Variants in EPB41L2 observed in about 807,000 individuals in gnomAD.
The protein encoded by EPB41L2 is erythrocyte membrane protein band 4.1 like 2, also known as band 4.1-like protein 2.
In EPB41L2, 43 loss-of-function variants were observed where a neutral mutation model predicts 113.0. That is an observed-to-expected ratio of 0.38 (90% CI 0.30 to 0.49). EPB41L2 has a LOEUF of 0.49. Ranked by LOEUF, EPB41L2 falls within the 20% of genes least tolerant of loss-of-function variation. The probability of loss-of-function intolerance (pLI) is 0.95; values close to 1 mark genes in which losing one functional copy is unlikely to be tolerated. For synonymous variants in EPB41L2, 442 were observed against 436.7 expected (o/e 1.01, Z -0.15); for missense variants, 1,147 against 1,223.4 (o/e 0.94, Z 0.93).
chr6:130,962,669 C>CA (rs1773887261), intron 1 of EPB41L2, among the ~76,000 whole-genome samples: 1 of 152,148 alleles, frequency 6.6e-6, no homozygotes, highest in Non-Finnish European at 1.5e-5. Context: ...CCCACACATA[C>CA]AAAACATATG....
intron 1 of EPB41L2, among the ~76,000 whole-genome samples, chr6:130,979,492 CAAAAAAAAAAA>C (rs34912861): frequency 8.7e-4 from 74 of 85,308 alleles, no homozygotes; most frequent in African/African-American, 3.2e-3. Flanking sequence ...GAGACTCTGT[CAAAAAAAAAAA>C]AAAAAAAAAA....
rs753268232 is a variant in EPB41L2, at chr6:130,956,532, T to C, written c.-14-33A>G. ...CAAAACAAAAATCATAAAATGTCATTTTGTAAGTTCTCTCAAATTTAGTTT... is the reference window on the plus strand; with the variant it reads ...CAAAACAAAAATCATAAAATGTCATCTTGTAAGTTCTCTCAAATTTAGTTT... On this transcript the variant is annotated intron_variant, in intron 1 of 19. Transcript: ENST00000337057. 6.4e-6 allele frequency: 10 copies of C among 1,553,138 alleles called. No individual in the cohort carries two copies. The South Asian group carries it at 1.2e-4, about 19-fold the overall frequency.
chr6:130,992,862 C>G (rs1782211665), intron 1 of EPB41L2, among the ~76,000 whole-genome samples: 1 of 152,024 alleles, frequency 6.6e-6, no homozygotes, highest in Admixed American at 6.6e-5. Flanking sequence ...CTTGATACAC[C>G]TGCCTCAGCT....
At chr6:130,944,287 T>C (rs1337811823) in intron 3 of EPB41L2, among the ~76,000 whole-genome samples, 1 of 152,058 alleles carries the variant, frequency 6.6e-6, no homozygotes, top group East Asian at 1.9e-4. Flanking sequence ...CTATCATTTA[T>C]CTTGGATAGA....
intron 7 of EPB41L2, 109 bp from the exon 8 acceptor site, chr6:130,899,687 A>G: frequency 1.0e-6 from 1 of 993,264 alleles, no homozygotes; most frequent in Non-Finnish European, 1.5e-6. Flanking sequence ...AAAGTTACCC[A>G]GCCAAGTTTG....
At chr6:130,915,247 G>A (rs1800638291) in intron 4 of EPB41L2, among the ~76,000 whole-genome samples, 1 of 151,950 alleles carries the variant, frequency 6.6e-6, no homozygotes, top group Non-Finnish European at 1.5e-5. Context: ...AGCTTGCAGT[G>A]AGCCGAGATC....
chr6:130,984,913 C>T (rs952248756), intron 1 of EPB41L2, among the ~76,000 whole-genome samples: 3 of 152,070 alleles, frequency 2.0e-5, no homozygotes, highest in Admixed American at 6.5e-5. Context: ...GAATGAATTG[C>T]CATTGGTAGG....
intron 1 of EPB41L2, among the ~76,000 whole-genome samples, chr6:130,967,094 T>C (rs1375702225): frequency 6.6e-6 from 1 of 152,148 alleles, no homozygotes; most frequent in Non-Finnish European, 1.5e-5. Flanking sequence ...AAAAATACAG[T>C]TGTCCCTCAG....
rs780824494 is a variant in EPB41L2 at position 130,867,441 on chromosome 6, A to G, written c.2730+18T>C. ...GGGAAAAAAGAGCTCGAACAGTCCAAGTCTAGAGCTTTTGTACCTGTGGAG... is the reference window on the plus strand; with the variant it reads ...GGGAAAAAAGAGCTCGAACAGTCCAGGTCTAGAGCTTTTGTACCTGTGGAG... On this transcript the variant is annotated intron_variant, in intron 16 of 19. Transcript: ENST00000337057. 2 of 1,613,596 alleles carry G rather than the reference A, an allele frequency of 1.2e-6. No homozygotes were observed. The highest frequency in any genetic ancestry group is 1.7e-6 in the Non-Finnish European group (2 of 1,179,686).
intron 1 of EPB41L2, among the ~76,000 whole-genome samples, chr6:131,034,976 C>T (rs907882692): frequency 4.6e-5 from 7 of 152,342 alleles, no homozygotes; most frequent in South Asian, 4.1e-4. Flanking sequence ...TCACACCTAA[C>T]TGCCTGACTA....
At chr6:130,861,638 G>A (rs375241536) in intron 18 of EPB41L2, among the ~76,000 whole-genome samples, 39 of 152,102 alleles carry the variant, frequency 2.6e-4, no homozygotes, top group African/African-American at 9.2e-4. Context: ...TTGGGATGCC[G>A]AGGAGTGTGG....
chr6:131,003,773 C>T (rs1784866152), intron 1 of EPB41L2, among the ~76,000 whole-genome samples: 1 of 152,206 alleles, frequency 6.6e-6, no homozygotes, highest in Non-Finnish European at 1.5e-5. Flanking sequence ...AGTACTTAAA[C>T]ATTTTCTTTT....
At chr6:130,853,921 G>A (rs887848690) in intron 19 of EPB41L2, among the ~76,000 whole-genome samples, 2 of 152,172 alleles carry the variant, frequency 1.3e-5, no homozygotes, top group Admixed American at 6.5e-5. Context: ...AGTAGCTGAA[G>A]CAGTGAAAAC....
chr6:130,879,666 GA>G (rs1461133290), intron 13 of EPB41L2, among the ~76,000 whole-genome samples: 1 of 146,918 alleles, frequency 6.8e-6, no homozygotes, highest in African/African-American at 2.5e-5. Flanking sequence ...ACAGAATACT[GA>G]AAGTGGACCA....
At chr6:130,995,783 GTCAGCC>G (rs1782947674) in intron 1 of EPB41L2, among the ~76,000 whole-genome samples, 1 of 151,986 alleles carries the variant, frequency 6.6e-6, no homozygotes, top group Admixed American at 6.5e-5. Flanking sequence ...TCCTCCTATG[GTCAGCC>G]TCACTCCCAT....
At chr6:130,942,080 T>C (rs1811073423) in intron 3 of EPB41L2, among the ~76,000 whole-genome samples, 1 of 152,250 alleles carries the variant, frequency 6.6e-6, no homozygotes. Flanking sequence ...TATTATGTTA[T>C]ACCGCATTCA....
At chr6:130,980,574 G>A (rs1411379991) in intron 1 of EPB41L2, among the ~76,000 whole-genome samples, 3 of 152,170 alleles carry the variant, frequency 2.0e-5, no homozygotes, top group East Asian at 3.9e-4. Context: ...GGAGGGGCAG[G>A]GGTGGGGTGG....
chr6:130,999,851 A>G (rs1334605167), intron 1 of EPB41L2, among the ~76,000 whole-genome samples: 2 of 152,200 alleles, frequency 1.3e-5, no homozygotes, highest in African/African-American at 4.8e-5. Flanking sequence ...AACTGACTGA[A>G]AGATCAGCTT....
chr6:130,858,248 C>A lies in EPB41L2; in HGVS notation c.2911-5G>T. The A allele has an allele frequency of 1.2e-6, 2 of 1,609,344 alleles. No individual in the cohort carries two copies. The highest frequency in any genetic ancestry group is 1.1e-5 in the South Asian group (1 of 90,238). On this transcript the variant is annotated splice_polypyrimidine_tract_variant and splice_region_variant and intron_variant, in intron 18 of 19. Transcript: ENST00000337057. ...CCTGATCGCCTGAGCCAGTGCCTGC[C>A]AGGGTCAGGACAGAGAACGGCTGTG...
Sources: allele counts gnomAD v4.1 joint callset (sites outside exome capture counted in the v4.1 genomes callset), GRCh38; gene constraint gnomAD v4.1.1; transcripts MANE v1.5; gene names NCBI Gene and HGNC (gene_info 2026-07-23, HGNC 2026-07-21).